TUSC3: variants seen among roughly 807,000 people sequenced by gnomAD.
The protein encoded by TUSC3 is dolichyl-diphosphooligosaccharide--protein glycosyltransferase subunit TUSC3.
A neutral mutation model predicts 44.8 loss-of-function variants in TUSC3; 45 were observed. That is an observed-to-expected ratio of 1.00 (90% CI 0.79 to 1.29). TUSC3 has a LOEUF of 1.29. TUSC3 is among the 50% of genes most tolerant of loss of function. TUSC3 has a pLI of 0.00. For synonymous variants in TUSC3, 212 were observed against 152.9 expected, an observed-to-expected ratio of 1.39 and a Z score of -2.85; for missense variants, 519 against 437.9, an observed-to-expected ratio of 1.19 and a Z score of -1.65.
chr8:15,591,215 T>G (rs1316676361), intron 1 of TUSC3, among the ~76,000 whole-genome samples: 1 of 152,092 alleles, frequency 6.6e-6, no homozygotes, highest in Non-Finnish European at 1.5e-5. Flanking sequence ...AGCTTAATCA[T>G]TTGGGGTTTT....
chr8:15,544,243 C>G lies in TUSC3; in HGVS notation c.138+3675C>G, dbSNP rs1229275683. On this transcript the variant is annotated intron_variant, in intron 1 of 10. Transcript: ENST00000503731. ...TGTGTTTCTTTTATTTTGACAGTTT[C>G]TCTCTTTCTAACTTCATTAACACTT... 1.3e-5 allele frequency among the ~76,000 whole-genome samples: 2 copies of G among 151,982 alleles called. 1 individual carries two copies. The highest frequency in any genetic ancestry group is 4.8e-5 in the African/African-American group (2 of 41,408).
intron 6 of TUSC3, among the ~76,000 whole-genome samples, chr8:15,699,428 AACAGACTAC>A (rs1427023571): frequency 1.3e-5 from 2 of 152,196 alleles, no homozygotes; most frequent in Non-Finnish European, 2.9e-5. Flanking sequence ...ATGGTAGTGA[AACAGACTAC>A]TTGGATTTTA....
intron 3 of TUSC3, among the ~76,000 whole-genome samples, chr8:15,653,280 C>A (rs574714640): frequency 6.6e-6 from 1 of 152,016 alleles, no homozygotes; most frequent in East Asian, 1.9e-4. Context: ...GAAATGTAGG[C>A]CACATGTAGC....
chr8:15,752,905 G>A (rs1007380592), intron 9 of TUSC3, among the ~76,000 whole-genome samples: 1 of 151,954 alleles, frequency 6.6e-6, no homozygotes, highest in African/African-American at 2.4e-5. Context: ...AGCTCCAGAA[G>A]TTCAAGAGAT....
At chr8:15,450,366 C>G (rs1157917351) in intron 1 of TUSC3, among the ~76,000 whole-genome samples, 1 of 151,760 alleles carries the variant, frequency 6.6e-6, no homozygotes, top group Non-Finnish European at 1.5e-5. Context: ...TTAGGGCTGA[C>G]TTTTCCCACT....
At chr8:15,806,454 C>G in the TUSC3 span, 2 of 825,224 alleles carry the variant, frequency 2.4e-6, no homozygotes, top group African/African-American at 3.3e-5. Context: ...CACATGTTGT[C>G]TTGACTTCCC....
chr8:15,702,632 T>C (rs1188132654), intron 6 of TUSC3, among the ~76,000 whole-genome samples: 1 of 152,122 alleles, frequency 6.6e-6, no homozygotes, highest in Non-Finnish European at 1.5e-5. Context: ...TCTGCTTTGC[T>C]CTCCAGTTTG....
At chr8:15,462,174 C>G (rs758557857) in intron 1 of TUSC3, among the ~76,000 whole-genome samples, 87 of 152,074 alleles carry the variant, frequency 5.7e-4, no homozygotes, top group African/African-American at 7.5e-4. Context: ...TTAGCATGTA[C>G]CATATACCAA....
chr8:15,462,962 G>T (rs1396831715), intron 1 of TUSC3, among the ~76,000 whole-genome samples: 1 of 151,986 alleles, frequency 6.6e-6, no homozygotes, highest in South Asian at 2.1e-4. Flanking sequence ...AAAATAAAAA[G>T]AATGTATTTG....
the TUSC3 span, among the ~76,000 whole-genome samples, chr8:15,816,720 C>G: frequency 0.96 from 145,849 of 152,282 alleles, 69,885 homozygotes; most frequent in Non-Finnish European, 0.97. Flanking sequence ...TCAAATTACA[C>G]CTTTTCCAAT....
chr8:15,650,425 A>G (rs1183303968), intron 2 of TUSC3, among the ~76,000 whole-genome samples: 3 of 152,312 alleles, frequency 2.0e-5, no homozygotes, highest in Middle Eastern at 3.4e-3. Context: ...TGTTGTTACA[A>G]CTTTGCCCTT....
At chr8:15,575,618 T>A (rs1012274252) in intron 1 of TUSC3, among the ~76,000 whole-genome samples, 1 of 151,846 alleles carries the variant, frequency 6.6e-6, no homozygotes, top group Admixed American at 6.6e-5. Context: ...AATAAAAAAA[T>A]TAATTGAGAA....
At chr8:15,734,332 G>C (rs969043758) in intron 7 of TUSC3, among the ~76,000 whole-genome samples, 7 of 152,014 alleles carry the variant, frequency 4.6e-5, no homozygotes, top group Admixed American at 1.3e-4. Flanking sequence ...TGTATCATAG[G>C]TTATAGATTT....
chr8:15,825,468 T>A, the TUSC3 span, among the ~76,000 whole-genome samples: 3 of 152,024 alleles, frequency 2.0e-5, no homozygotes, highest in Non-Finnish European at 4.4e-5. Flanking sequence ...GAAAGACCTG[T>A]CCCAATGATT....
At position 15,711,250 on chromosome 8, in the gene TUSC3, T is replaced by G. The variant is rs117405267; in HGVS notation, c.799-19416T>G. ...TTGATCTACTTAAGCTGAGGCAGTA[T>G]TTTAAGGGTTCTCTCCCTTCTTTTG... On this transcript the variant is annotated intron_variant, in intron 6 of 10. Coordinates refer to ENST00000503731, the MANE Select transcript of TUSC3 (RefSeq NM_006765.4). Among the ~76,000 whole-genome samples the G allele has an allele frequency of 1.9e-3, 287 of 151,976 alleles. 2 individuals carry two copies. The highest frequency in any genetic ancestry group is 3.1e-3 in the Non-Finnish European group (208 of 67,866).
chr8:15,693,421 A>C (rs373667020), intron 6 of TUSC3, among the ~76,000 whole-genome samples: 381 of 149,408 alleles, frequency 2.6e-3, no homozygotes, highest in African/African-American at 8.7e-3. Context: ...GGCTGGATAT[A>C]AAACTCTTGG....
At position 15,475,205 on chromosome 8, in the gene TUSC3, T is replaced by C. The variant is rs541616856; in HGVS notation, n.92-8181T>C. 2.7e-5 allele frequency among the ~76,000 whole-genome samples: 4 copies of C among 150,028 alleles called. No individual in the cohort carries two copies. In the South Asian group the frequency reaches 6.3e-4, roughly 24 times the overall value. ...GTCGTCAACATTCCAAAGAGGTATA[T>C]ATGGTTATTAAATCCATTTTTTTGA... On this transcript the variant is annotated intron_variant and non_coding_transcript_variant, in intron 1 of 5. Coordinates refer to the TUSC3 transcript ENST00000503191.
chr8:15,449,644 T>C (rs1800166976), intron 1 of TUSC3, among the ~76,000 whole-genome samples: 1 of 152,100 alleles, frequency 6.6e-6, no homozygotes, highest in African/African-American at 2.4e-5. Context: ...TTACCTCCCA[T>C]CCCACAGGAA....
chr8:15,586,118 T>C (rs189192152), intron 1 of TUSC3, among the ~76,000 whole-genome samples: 4 of 152,090 alleles, frequency 2.6e-5, no homozygotes, highest in Non-Finnish European at 5.9e-5. Context: ...TAAATAATTA[T>C]GTTCATATAA....
Sources: allele counts gnomAD v4.1 joint callset (sites outside exome capture counted in the v4.1 genomes callset), GRCh38; gene constraint gnomAD v4.1.1; transcripts MANE v1.5; gene names NCBI Gene and HGNC (gene_info 2026-07-23, HGNC 2026-07-21).